RGSL1: variants seen among roughly 807,000 people sequenced by gnomAD.
The protein encoded by RGSL1 is regulator of G protein signaling protein-like.
Under a neutral mutation model 124.7 loss-of-function variants are expected in RGSL1, and 97 were observed. That is an observed-to-expected ratio of 0.78 (90% CI 0.66 to 0.92). The LOEUF (loss-of-function observed/expected upper bound fraction) is 0.92. Among genes scored for constraint, RGSL1 ranks in the 40% least tolerant of loss-of-function variants. RGSL1 has a pLI of 0.00. For missense variants in RGSL1, 1,233 were observed against 1,288.4 expected (o/e 0.96, Z 0.66); for synonymous variants, 424 against 438.1 (o/e 0.97, Z 0.40).
chr1:182,529,732 T>C (rs1030026892), intron 11 of RGSL1, among the ~76,000 whole-genome samples: 1 of 152,200 alleles, frequency 6.6e-6, no homozygotes, highest in East Asian at 1.9e-4. Context: ...TCTCAGGATG[T>C]TGAGATCTGT....
chr1:182,517,940 T>C (rs1658022256), intron 9 of RGSL1, among the ~76,000 whole-genome samples: 1 of 152,234 alleles, frequency 6.6e-6, no homozygotes, highest in African/African-American at 2.4e-5. Context: ...TTGTTTCTTG[T>C]GGGTCTACGT....
intron 4 of RGSL1, chr1:182,471,280 A>T (rs1177346868): frequency 8.7e-6 from 4 of 457,418 alleles, no homozygotes; most frequent in South Asian, 6.2e-5. Flanking sequence ...TTTTCCTGGC[A>T]GCCAAGATGA....
intron 16 of RGSL1, 35 bp from the exon 17 acceptor site, chr1:182,548,665 C>A: frequency 6.5e-7 from 1 of 1,549,616 alleles, no homozygotes; most frequent in Non-Finnish European, 8.7e-7. Context: ...TCCCGTGGAG[C>A]CTCTGCCAGT....
intron 6 of RGSL1, among the ~76,000 whole-genome samples, chr1:182,483,191 A>G (rs1654839009): frequency 6.6e-6 from 1 of 152,224 alleles, no homozygotes; most frequent in South Asian, 2.1e-4. Flanking sequence ...AATATCATTT[A>G]ACGATTCTAT....
At chr1:182,541,747 C>T (rs1659902842) in intron 15 of RGSL1, among the ~76,000 whole-genome samples, 1 of 152,114 alleles carries the variant, frequency 6.6e-6, no homozygotes, top group African/African-American at 2.4e-5. Context: ...CTGTTATTCC[C>T]TGTCTTTTTG....
At position 182,474,508 on chromosome 1, in the gene RGSL1, C is replaced by T; in HGVS notation, c.1397C>T (p.Pro466Leu). The change falls in exon 6 of 22, where the codon CCC becomes CTC. Residue 466 changes from proline (P) to leucine (L), a missense_variant. Coordinates refer to ENST00000294854, the MANE Select transcript of RGSL1 (RefSeq NM_001137669.2). ...CTATTGCCCTCTGGGGATGTGATCC[C>T]CTGGATTCCCAAAGCCCAGAAGGAG... ...KELLPSGDVI[P>L]WIPKAQKEIC... 7 of 1,547,956 alleles carry T rather than the reference C, an allele frequency of 4.5e-6. No individual in the cohort carries two copies. The highest frequency in any genetic ancestry group is 2.0e-5 in the Admixed American group (1 of 50,830).
In RGSL1 at chr1:182,539,155, C is replaced by T. The variant is rs1333541415; in HGVS notation, c.2495-1092C>T. Among the ~76,000 whole-genome samples the T allele has an allele frequency of 2.0e-5, 3 of 152,142 alleles. No individual in the cohort carries two copies. The East Asian group carries it at 5.8e-4, about 29-fold the overall frequency. ...AGTGAATAATACAAATTAGGTCTCCCCCTCTACCACCAGAGCCAGTTTACA... is the reference window on the plus strand; with the variant it reads ...AGTGAATAATACAAATTAGGTCTCCTCCTCTACCACCAGAGCCAGTTTACA... On this transcript the variant is annotated intron_variant, in intron 14 of 21. Transcript: ENST00000294854.
At chr1:182,498,941 C>T (rs377024261) in intron 9 of RGSL1, among the ~76,000 whole-genome samples, 23 of 151,970 alleles carry the variant, frequency 1.5e-4, no homozygotes, top group African/African-American at 5.3e-4. Context: ...TACAGGCACC[C>T]GCCACCACAC....
intron 4 of RGSL1, 69 bp from the exon 5 acceptor site, chr1:182,472,327 C>T: frequency 7.1e-7 from 1 of 1,400,906 alleles, no homozygotes; most frequent in Non-Finnish European, 9.6e-7. Context: ...TCAGTTGATT[C>T]ACCCAGATGC....
chr1:182,539,623 C>A (rs1202009666), intron 14 of RGSL1, among the ~76,000 whole-genome samples: 1 of 152,186 alleles, frequency 6.6e-6, no homozygotes, highest in Non-Finnish European at 1.5e-5. Context: ...AGATCCAGCC[C>A]ATACCTGTTC....
At chr1:182,452,821 T>TCA (rs1651958870) in intron 1 of RGSL1, among the ~76,000 whole-genome samples, 1 of 152,196 alleles carries the variant, frequency 6.6e-6, no homozygotes, top group South Asian at 2.1e-4. Flanking sequence ...AAAATGATTG[T>TCA]TTAGTTTTCT....
chr1:182,483,047 A>C (rs567554141), intron 6 of RGSL1, among the ~76,000 whole-genome samples: 1 of 152,372 alleles, frequency 6.6e-6, no homozygotes, highest in South Asian at 2.1e-4. Context: ...AATCTCACTT[A>C]TGTATTGAAT....
At chr1:182,518,182 G>A (rs961410859) in intron 9 of RGSL1, among the ~76,000 whole-genome samples, 8 of 152,108 alleles carry the variant, frequency 5.3e-5, no homozygotes, top group Non-Finnish European at 7.4e-5. Flanking sequence ...TGGGACTACA[G>A]GCAAGCACCA....
chr1:182,525,458 A>G (rs1658671583), intron 10 of RGSL1, among the ~76,000 whole-genome samples: 1 of 152,206 alleles, frequency 6.6e-6, no homozygotes, highest in Non-Finnish European at 1.5e-5. Flanking sequence ...ATTATAAAAT[A>G]TAATGAAAAA....
At position 182,530,714 on chromosome 1, in the gene RGSL1, G is replaced by A. The variant is rs755955407; in HGVS notation, c.2244-76G>A. ...ACTGAGAGTTCCTCCAGAAGCTGAG[G>A]TAGGTTTGCCTGGACTGTCATCTTT... On this transcript the variant is annotated intron_variant, in intron 12 of 21. Coordinates refer to ENST00000294854, the MANE Select transcript of RGSL1 (RefSeq NM_001137669.2). The A allele has an allele frequency of 5.1e-5, 72 of 1,422,864 alleles. 1 individual carries two copies. The highest frequency in any genetic ancestry group is 6.4e-5 in the Non-Finnish European group (69 of 1,080,588). 88.1% of individuals were successfully genotyped at this position (1,422,864 alleles called of 1,614,324 possible).
At chr1:182,553,902 C>T (rs1475747236) in intron 19 of RGSL1, among the ~76,000 whole-genome samples, 1 of 152,132 alleles carries the variant, frequency 6.6e-6, no homozygotes, top group Non-Finnish European at 1.5e-5. Context: ...ATTGTTACTT[C>T]CCCCTCACAC....
intron 19 of RGSL1, among the ~76,000 whole-genome samples, chr1:182,554,396 C>T (rs919658061): frequency 4.6e-5 from 7 of 152,204 alleles, no homozygotes; most frequent in African/African-American, 1.7e-4. Context: ...TCATGGCCTT[C>T]GTGTCCAGAT....
rs569034111 is a variant in RGSL1 at position 182,471,070 on chromosome 1, A to G, written c.302-1326A>G. 3.9e-5 allele frequency among the ~76,000 whole-genome samples: 6 copies of G among 152,274 alleles called. No individual in the cohort carries two copies. The East Asian group carries it at 1.2e-3, about 29-fold the overall frequency. Reference sequence around the variant, plus strand: ...GAGGGTGTTTATGTGAATTGTGTGCATGCTTGTGGGTCCCTCCCATGAACC... The same window carrying G: ...GAGGGTGTTTATGTGAATTGTGTGCGTGCTTGTGGGTCCCTCCCATGAACC... On this transcript the variant is annotated intron_variant, in intron 4 of 21. Transcript: ENST00000294854.
intron 2 of RGSL1, among the ~76,000 whole-genome samples, chr1:182,454,363 C>T (rs1206146860): frequency 6.6e-6 from 1 of 152,166 alleles, no homozygotes; most frequent in African/African-American, 2.4e-5. Context: ...TCACTGGGTA[C>T]CCCTGGCATT....
Sources: allele counts gnomAD v4.1 joint callset (sites outside exome capture counted in the v4.1 genomes callset), GRCh38; gene constraint gnomAD v4.1.1; transcripts MANE v1.5; gene names NCBI Gene and HGNC (gene_info 2026-07-23, HGNC 2026-07-21).